The following FAF1 variants were observed in gnomAD, a reference collection of about 807,000 sequenced individuals.
The protein encoded by FAF1 is Fas associated factor 1, also known as FAS-associated factor 1.
Under a neutral mutation model 92.5 loss-of-function variants are expected in FAF1, and 25 were observed. That is an observed-to-expected ratio of 0.27 (90% CI 0.20 to 0.38). FAF1 has a LOEUF of 0.38. Among genes scored for constraint, FAF1 ranks in the 10% least tolerant of loss-of-function variants. FAF1 has a pLI of 1.00. For missense variants in FAF1, 636 were observed against 793.3 expected (o/e 0.80, Z 2.38); for synonymous variants, 234 against 273.2 (o/e 0.86, Z 1.42).
intron 5 of FAF1, among the ~76,000 whole-genome samples, chr1:50,742,355 T>C (rs144383412): frequency 4.7e-3 from 661 of 141,722 alleles, no homozygotes; most frequent in Non-Finnish European, 7.5e-3. Flanking sequence ...ATTGAAGTAT[T>C]TGTAACCAAG....
At chr1:50,521,082 A>C (rs1160491096) in intron 15 of FAF1, among the ~76,000 whole-genome samples, 2 of 152,180 alleles carry the variant, frequency 1.3e-5, no homozygotes, top group Non-Finnish European at 2.9e-5. Flanking sequence ...ATCATGTATA[A>C]TCTGATGTTC....
At chr1:50,623,749 C>A (rs1032194964) in intron 8 of FAF1, among the ~76,000 whole-genome samples, 1 of 151,898 alleles carries the variant, frequency 6.6e-6, no homozygotes, top group Non-Finnish European at 1.5e-5. Context: ...CAAGACCAGG[C>A]TGGGCAACTT....
At chr1:50,827,393 T>C (rs1335754957) in intron 2 of FAF1, among the ~76,000 whole-genome samples, 1 of 152,176 alleles carries the variant, frequency 6.6e-6, no homozygotes, top group Non-Finnish European at 1.5e-5. Context: ...TTAAGGGTGG[T>C]GCAAGATGTG....
rs549821175 is a variant in FAF1 at position 50,787,547 on chromosome 1, C to G, written c.367+453G>C. On this transcript the variant is annotated intron_variant, in intron 4 of 18. Transcript: ENST00000396153. ...CTCACCAGACATCAAACCTTCTAAG[C>G]CTTAATCTTAGACTTCTTAGCCTCC... is the stretch of plus-strand genomic sequence containing the variant. Among the ~76,000 whole-genome samples, 5 of 152,254 alleles carry G rather than the reference C, an allele frequency of 3.3e-5. No individual in the cohort carries two copies. The South Asian group carries it at 1.0e-3, about 32-fold the overall frequency.
At chr1:50,872,000 G>C (rs1311473864) in intron 1 of FAF1, among the ~76,000 whole-genome samples, 7 of 150,384 alleles carry the variant, frequency 4.7e-5, no homozygotes, top group African/African-American at 7.4e-5. Context: ...GGGAGGCGGA[G>C]GTTGCAGTGA....
intron 1 of FAF1, among the ~76,000 whole-genome samples, chr1:50,940,508 C>A (rs947886609): frequency 6.6e-6 from 1 of 152,220 alleles, no homozygotes; most frequent in African/African-American, 2.4e-5. Flanking sequence ...AGCAATTCTG[C>A]CTCTGCCTCC....
intron 2 of FAF1, among the ~76,000 whole-genome samples, chr1:50,834,911 G>T (rs1326581439): frequency 6.6e-6 from 1 of 152,198 alleles, no homozygotes; most frequent in African/African-American, 2.4e-5. Flanking sequence ...TACAGCCAGT[G>T]AAGGCATTAT....
chr1:50,836,521 G>T (rs573074372), intron 2 of FAF1, among the ~76,000 whole-genome samples: 1 of 152,218 alleles, frequency 6.6e-6, no homozygotes, highest in Non-Finnish European at 1.5e-5. Flanking sequence ...TCTTTGTGGA[G>T]ATTTTGTCCC....
At chr1:50,757,038 T>C (rs74683936) in intron 4 of FAF1, among the ~76,000 whole-genome samples, 2,107 of 152,346 alleles carry the variant, frequency 0.014, 46 homozygotes, top group African/African-American at 0.047. Context: ...TTTAGGAATA[T>C]GTTGTTTAAT....
intron 18 of FAF1, among the ~76,000 whole-genome samples, chr1:50,464,662 A>T (rs1358987825): frequency 6.6e-6 from 1 of 152,232 alleles, no homozygotes; most frequent in Non-Finnish European, 1.5e-5. Flanking sequence ...ACATGGATTA[A>T]AGAAGTTTAG....
intron 13 of FAF1, among the ~76,000 whole-genome samples, chr1:50,560,183 G>A (rs1649830900): frequency 6.6e-6 from 1 of 152,202 alleles, no homozygotes; most frequent in South Asian, 2.1e-4. Context: ...GAGTAGTTTG[G>A]AATTAAGGGT....
intron 4 of FAF1, among the ~76,000 whole-genome samples, chr1:50,751,791 T>C (rs1048999488): frequency 1.3e-5 from 2 of 152,254 alleles, no homozygotes; most frequent in Non-Finnish European, 2.9e-5. Context: ...AATATTTTCC[T>C]GTAAAAATCT....
intron 2 of FAF1, among the ~76,000 whole-genome samples, chr1:50,838,497 T>C (rs1211705260): frequency 2.0e-5 from 3 of 148,156 alleles, no homozygotes; most frequent in Non-Finnish European, 4.5e-5. Context: ...ATATAAGCTA[T>C]GTTTTGTTAT....
At chr1:50,564,827 A>G (rs1390533419) in intron 13 of FAF1, among the ~76,000 whole-genome samples, 1 of 152,130 alleles carries the variant, frequency 6.6e-6, no homozygotes, top group Non-Finnish European at 1.5e-5. Flanking sequence ...TTCATATGTC[A>G]AAGTCAATCC....
chr1:50,706,395 A>G (rs574162517), intron 6 of FAF1, among the ~76,000 whole-genome samples: 1 of 152,340 alleles, frequency 6.6e-6, no homozygotes, highest in Non-Finnish European at 1.5e-5. Flanking sequence ...TTCATTCAAA[A>G]TAATTGTGCT....
intron 8 of FAF1, among the ~76,000 whole-genome samples, chr1:50,635,816 G>A (rs1183485540): frequency 6.6e-6 from 1 of 152,174 alleles, no homozygotes; most frequent in Non-Finnish European, 1.5e-5. Flanking sequence ...CAGAGGTAAA[G>A]ATAATTGCTC....
intron 3 of FAF1, among the ~76,000 whole-genome samples, chr1:50,788,425 T>C (rs1180557143): frequency 6.6e-6 from 1 of 152,220 alleles, no homozygotes; most frequent in Non-Finnish European, 1.5e-5. Context: ...CTATGTTTAT[T>C]AGCAGTATCA....
intron 1 of FAF1, among the ~76,000 whole-genome samples, chr1:50,895,903 A>G (rs1426961216): frequency 6.6e-6 from 1 of 152,200 alleles, no homozygotes; most frequent in Non-Finnish European, 1.5e-5. Flanking sequence ...ATAACTCAAC[A>G]TAAGAAAAGC....
At chr1:50,570,134 A>G (rs2149058322) in intron 12 of FAF1, among the ~76,000 whole-genome samples, 1 of 152,276 alleles carries the variant, frequency 6.6e-6, no homozygotes, top group East Asian at 1.9e-4. Flanking sequence ...TTAGGCCCTT[A>G]GAATAAGCCT....
Sources: gnomAD v4.1 joint callset for allele counts (sites outside exome capture counted in the v4.1 genomes callset) on GRCh38, gnomAD v4.1.1 for gene constraint, MANE v1.5 for transcripts, NCBI Gene and HGNC (gene_info 2026-07-23, HGNC 2026-07-21) for gene names.